The following ANK3 variants were observed in gnomAD, a reference collection of about 807,000 sequenced individuals.
ANK3 encodes the protein ankyrin 3.
ANK3 carries 57 observed loss-of-function variants against 370.9 expected under a neutral mutation model. The observed-to-expected ratio is 0.15, with a 90% CI of 0.12 to 0.19. ANK3 has a LOEUF of 0.19. ANK3 is among the 10% of genes least tolerant of loss of function. ANK3 has a pLI of 1.00. For missense variants in ANK3, 4,439 were observed against 5,302.1 expected, an observed-to-expected ratio of 0.84 and a Z score of 5.06; for synonymous variants, 1,929 against 1,946.3, an observed-to-expected ratio of 0.99 and a Z score of 0.23.
chr10:60,108,679 C>T (rs2092430234), intron 27 of ANK3, 151 bp downstream of exon 27: 1 of 675,112 alleles, frequency 1.5e-6, no homozygotes, highest in Admixed American at 2.9e-5. Flanking sequence ...CACAGAATCA[C>T]ACAGCTTTGT....
At position 60,487,277 on chromosome 10, in the gene ANK3, G is replaced by A. The variant is rs111329642; in HGVS notation, c.96+127909C>T. ...TTGCATTAAGATAAGAGAACAGGGA[G>A]TGGTATGAAGGAAATAAACTACGCA... On this transcript the variant is annotated intron_variant, in intron 2 of 43. Transcript: ENST00000373827. Among the ~76,000 whole-genome samples the A allele has an allele frequency of 5.0e-3, 769 of 152,288 alleles. 3 individuals are homozygous for A. Among genetic ancestry groups the A allele is most frequent in the African/African-American group, 0.017 (702 of 41,562 alleles).
chr10:60,568,090 A>T (rs1005518802), intron 2 of ANK3, among the ~76,000 whole-genome samples: 1 of 152,238 alleles, frequency 6.6e-6, no homozygotes, highest in Admixed American at 6.5e-5. Context: ...AAATATTTAG[A>T]GTATTACATA....
intron 7 of ANK3, among the ~76,000 whole-genome samples, chr10:60,258,434 T>C (rs2097765198): frequency 1.3e-5 from 2 of 152,184 alleles, no homozygotes; most frequent in African/African-American, 4.8e-5. Context: ...AGGAAAGGTG[T>C]TATTGAAACA....
rs1444576681 is a variant in ANK3, at chr10:60,083,586, C to G, written c.4106G>C (p.Cys1369Ser). Reference protein sequence around the residue: ...VLEGKPIYVDCYGNLAPLTKG... With the variant: ...VLEGKPIYVDSYGNLAPLTKG... ...GGTAAGTGGGGCCAAATTTCCATAA[C>G]AATCAACATAAATAGGTTTTCCTTC... Residue 1369 changes from cysteine (C) to serine (S), a missense_variant, in exon 33 of 44, where the codon TGT (cysteine) becomes TCT (serine). Around this residue, in one of 13 missense-constraint regions of ANK3, gnomAD observed 702 missense variants for 941.5 expected, o/e 0.75. Transcript: ENST00000280772. 3 of 1,609,246 alleles carry G rather than the reference C, an allele frequency of 1.9e-6. No individual in the cohort carries two copies. The highest frequency in any genetic ancestry group is 2.7e-5 in the African/African-American group (2 of 74,760).
intron 2 of ANK3, among the ~76,000 whole-genome samples, chr10:60,592,690 G>A (rs2077933721): frequency 6.6e-6 from 1 of 152,206 alleles, no homozygotes; most frequent in Admixed American, 6.5e-5. Context: ...CTTGAACTCA[G>A]GAGGCAGAAG....
intron 1 of ANK3, among the ~76,000 whole-genome samples, chr10:60,288,713 G>A (rs1442249514): frequency 2.0e-5 from 3 of 152,066 alleles, no homozygotes; most frequent in Non-Finnish European, 2.9e-5. Context: ...ATTTAACTTC[G>A]CCATAAAGAT....
At chr10:60,446,355 A>G (rs921246406) in intron 2 of ANK3, among the ~76,000 whole-genome samples, 5 of 152,124 alleles carry the variant, frequency 3.3e-5, no homozygotes, top group African/African-American at 1.2e-4. Flanking sequence ...ACTCTTCTCC[A>G]AGCCTATGCA....
Position 60,120,361 on chromosome 10 carries a change from TA to T in ANK3, c.2842-6031del, listed in dbSNP as rs202247388. Among the ~76,000 whole-genome samples, 44 of 150,688 alleles carry T rather than the reference TA, an allele frequency of 2.9e-4. No homozygotes were observed. In the East Asian group the frequency reaches 4.1e-3, roughly 14 times the overall value. On this transcript the variant is annotated intron_variant, in intron 25 of 43. Coordinates refer to ENST00000280772, the MANE Select transcript of ANK3 (RefSeq NM_020987.5). ...CTAAGACCTCAAACTATGAAACTAC[TA>T]AAAAAAAATACATTAGGGAAACTCT... is the stretch of plus-strand genomic sequence containing the variant.
intron 2 of ANK3, chr10:60,507,518 T>C (rs1186703620): frequency 6.6e-6 from 1 of 152,006 alleles, no homozygotes; most frequent in African/African-American, 2.4e-5. Context: ...AAAACACACT[T>C]AGGCATATTT....
At chr10:60,638,504 C>T (rs2078585393) in intron 1 of ANK3, among the ~76,000 whole-genome samples, 1 of 151,714 alleles carries the variant, frequency 6.6e-6, no homozygotes, top group African/African-American at 2.4e-5. Context: ...ATGCCTGATA[C>T]CTAATCAAAA....
At position 60,203,098 on chromosome 10, in the gene ANK3, C is replaced by G. The variant is rs754546725; in HGVS notation, c.1296G>C (p.Ser432=). The change falls in exon 12 of 44, where the codon TCG becomes TCC. Residue 432 remains serine, a splice_region_variant and synonymous_variant. Coordinates refer to ENST00000280772, the MANE Select transcript of ANK3 (RefSeq NM_020987.5). ...CAGCAACATGGATTGGGGTAAGGCC[C>G]GACTAAGGGGAAAAGAAGAAAATGG... is the stretch of plus-strand genomic sequence containing the variant. The part of the protein sequence containing the change: ...HGASIQAVTE[S]GLTPIHVAAF... 5.0e-6 allele frequency: 8 copies of G among 1,611,050 alleles called. No individual in the cohort carries two copies. The highest frequency in any genetic ancestry group is 6.8e-6 in the Non-Finnish European group (8 of 1,178,234).
In ANK3 at chr10:60,535,914, G is replaced by C. The variant is rs1473954286; in HGVS notation, c.96+79272C>G. Among the ~76,000 whole-genome samples, 8 of 139,328 alleles carry C rather than the reference G, an allele frequency of 5.7e-5. No individual in the cohort carries two copies. The East Asian group carries it at 1.3e-3, about 22-fold the overall frequency. The allele number at this position is 139,328 out of a possible 152,430, so 91.4% of individuals were successfully genotyped here. On this transcript the variant is annotated intron_variant, in intron 2 of 43. Coordinates refer to the ANK3 transcript ENST00000373827. ...TGCTCTAAATATCGGCAAAGCAACTGTTTGAAACCTCCAGCTAAAAAAAAA... is the reference window on the plus strand; with the variant it reads ...TGCTCTAAATATCGGCAAAGCAACTCTTTGAAACCTCCAGCTAAAAAAAAA...
At chr10:60,570,929 T>C (rs1290325226) in intron 2 of ANK3, among the ~76,000 whole-genome samples, 1 of 152,168 alleles carries the variant, frequency 6.6e-6, no homozygotes, top group Non-Finnish European at 1.5e-5. Flanking sequence ...CTCACTCTAA[T>C]ATGGATTGCA....
At chr10:60,646,427 C>T (rs765765930) in intron 1 of ANK3, among the ~76,000 whole-genome samples, 6 of 152,138 alleles carry the variant, frequency 3.9e-5, no homozygotes, top group Non-Finnish European at 8.8e-5. Context: ...AAGACAACTG[C>T]AGTCTGGACT....
At chr10:60,581,517 C>T (rs537244195) in intron 2 of ANK3, among the ~76,000 whole-genome samples, 242 of 150,408 alleles carry the variant, frequency 1.6e-3, no homozygotes, top group Non-Finnish European at 3.1e-3. Context: ...CTTTGCCACC[C>T]GGGTTCAAGT....
At chr10:60,499,148 A>G (rs2075733161) in intron 2 of ANK3, among the ~76,000 whole-genome samples, 1 of 152,202 alleles carries the variant, frequency 6.6e-6, no homozygotes, top group South Asian at 2.1e-4. Context: ...AGGTTCTAGT[A>G]GCCTCAATAT....
intron 1 of ANK3, among the ~76,000 whole-genome samples, chr10:60,386,248 G>C (rs1299884970): frequency 6.6e-6 from 1 of 152,092 alleles, no homozygotes; most frequent in Non-Finnish European, 1.5e-5. Context: ...CGTGAGCAGA[G>C]AAGTGTGAAG....
At chr10:60,037,381 T>C (rs185715170) in intron 43 of ANK3, among the ~76,000 whole-genome samples, 136 of 152,304 alleles carry the variant, frequency 8.9e-4, no homozygotes, top group South Asian at 7.7e-3. Flanking sequence ...GCAGGTTTGT[T>C]ACACATTATT....
chr10:60,329,407 C>A (rs1414964096), intron 1 of ANK3, among the ~76,000 whole-genome samples: 1 of 152,156 alleles, frequency 6.6e-6, no homozygotes, highest in African/African-American at 2.4e-5. Context: ...CCCAAATCTC[C>A]TTAAGCTGAT....
Sources: gnomAD v4.1 joint callset for allele counts (sites outside exome capture counted in the v4.1 genomes callset) on GRCh38, gnomAD v4.1.1 for gene constraint, gnomAD v4.1.1 regional missense constraint, MANE v1.5 for transcripts, NCBI Gene and HGNC (gene_info 2026-07-23, HGNC 2026-07-21) for gene names.